The following STARD3NL variants were observed in gnomAD, a reference collection of about 807,000 sequenced individuals.
STARD3NL encodes the protein STARD3 N-terminal-like protein.
STARD3NL carries 17 observed loss-of-function variants against 30.9 expected under a neutral mutation model. The ratio of observed to expected loss-of-function variants is 0.55; its 90% CI spans 0.38 to 0.82. STARD3NL has a LOEUF of 0.82. STARD3NL is among the 40% of genes least tolerant of loss of function. The pLI, the probability that STARD3NL is intolerant of heterozygous loss-of-function variation, is 0.00. For missense variants in STARD3NL, 234 were observed against 277.6 expected, an observed-to-expected ratio of 0.84 and a Z score of 1.12; for synonymous variants, 112 against 100.5, an observed-to-expected ratio of 1.11 and a Z score of -0.69.
chr7:38,223,335 T>C lies in STARD3NL; in HGVS notation c.649+3675T>C, dbSNP rs1477373026. The stretch of plus-strand genomic sequence containing the variant: ...GCATCCTGCATCCCTTTGTATTAAA[T>C]GGAAAGAATTAGGAAGCATGATCCT... On this transcript the variant is annotated intron_variant, in intron 7 of 8. Transcript: ENST00000009041. Among the ~76,000 whole-genome samples, 4 of 152,150 alleles carry C rather than the reference T, an allele frequency of 2.6e-5. No homozygotes were observed. The South Asian group carries it at 8.3e-4, about 31-fold the overall frequency.
chr7:38,197,196 TTCTC>T (rs1280964019), intron 1 of STARD3NL, among the ~76,000 whole-genome samples: 2 of 33,906 alleles, frequency 5.9e-5, no homozygotes, highest in Non-Finnish European at 1.4e-4. Flanking sequence ...TTCTTTCTTT[TTCTC>T]TCTCTCTCTT....
At position 38,218,289 on chromosome 7, in the gene STARD3NL, A is replaced by G. The variant is rs551615662; in HGVS notation, c.553+984A>G. 6.6e-5 allele frequency among the ~76,000 whole-genome samples: 10 copies of G among 152,354 alleles called. No homozygotes were observed. The South Asian group carries it at 1.0e-3, about 16-fold the overall frequency. On this transcript the variant is annotated intron_variant, in intron 6 of 8. Transcript: ENST00000009041. ...ACTTCAAAAAACAGCAGGATGCAAA[A>G]TAATCTTGCAAGTGGTTTTATTTTG...
intron 1 of STARD3NL, 105 bp from the exon 2 acceptor site, chr7:38,207,342 T>C: frequency 6.6e-6 from 4 of 609,550 alleles, no homozygotes; most frequent in Non-Finnish European, 1.2e-5. Context: ...TCAGTCAAGG[T>C]ACTCTGTTGT....
intron 1 of STARD3NL, among the ~76,000 whole-genome samples, chr7:38,194,265 C>T (rs926055003): frequency 4.6e-5 from 7 of 151,902 alleles, no homozygotes; most frequent in Non-Finnish European, 5.9e-5. Context: ...TTACATTTGC[C>T]CTTTTAAAGG....
intron 7 of STARD3NL, among the ~76,000 whole-genome samples, chr7:38,220,595 A>T (rs558232074): frequency 7.9e-5 from 12 of 152,350 alleles, no homozygotes; most frequent in South Asian, 2.1e-4. Flanking sequence ...TCCGTAAAAG[A>T]TTAAACATAG....
At chr7:38,180,882 C>A (rs1276357171) in intron 1 of STARD3NL, among the ~76,000 whole-genome samples, 1 of 152,246 alleles carries the variant, frequency 6.6e-6, no homozygotes. Flanking sequence ...GGCCAAACTT[C>A]TATCAAATTT....
chr7:38,213,247 T>A (rs939399500), intron 2 of STARD3NL, among the ~76,000 whole-genome samples: 8 of 152,186 alleles, frequency 5.3e-5, no homozygotes, highest in Admixed American at 3.3e-4. Flanking sequence ...TCAATCATTA[T>A]TCCTCCTTCC....
At chr7:38,202,195 TA>T (rs1785214046) in intron 1 of STARD3NL, 1 of 152,236 alleles carries the variant, frequency 6.6e-6, no homozygotes, top group African/African-American at 2.4e-5. Flanking sequence ...AGACAGAAAT[TA>T]TGTAAGAATG....
At chr7:38,188,351 T>C (rs1351362800) in intron 1 of STARD3NL, among the ~76,000 whole-genome samples, 1 of 151,764 alleles carries the variant, frequency 6.6e-6, no homozygotes, top group Non-Finnish European at 1.5e-5. Context: ...CTATCTGCAG[T>C]ACCCTTCCTC....
intron 1 of STARD3NL, among the ~76,000 whole-genome samples, chr7:38,193,341 C>T (rs887235090): frequency 1.3e-5 from 2 of 152,056 alleles, no homozygotes; most frequent in South Asian, 4.1e-4. Context: ...CTCTGTCGCT[C>T]AGGCTGGAGT....
chr7:38,227,756 C>G (rs957283089), intron 7 of STARD3NL, among the ~76,000 whole-genome samples: 2 of 152,046 alleles, frequency 1.3e-5, no homozygotes, highest in Admixed American at 1.3e-4. Flanking sequence ...ACGTATCCTT[C>G]AAATTATTTG....
At position 38,207,618 on chromosome 7, in the gene STARD3NL, G is replaced by A; in HGVS notation, c.114G>A (p.Glu38=). 6.2e-7 allele frequency: 1 copy of A among 1,614,096 alleles called. No individual in the cohort carries two copies. The highest frequency in any genetic ancestry group is 8.5e-7 in the Non-Finnish European group (1 of 1,179,960). The change falls in exon 2 of 9, where the codon GAG becomes GAA. Residue 38 remains glutamate, a synonymous_variant. Transcript: ENST00000009041. The part of the protein sequence containing the change: ...INPTQLMARI[E]SYEGREKKGI... ...CCACACAACTCATGGCCAGGATTGA[G>A]TCCTATGAAGGAAGGGAAAAGAAAG...
intron 1 of STARD3NL, among the ~76,000 whole-genome samples, chr7:38,206,315 A>G (rs886413514): frequency 4.6e-5 from 7 of 152,212 alleles, no homozygotes; most frequent in Non-Finnish European, 7.4e-5. Context: ...CAAGTGGCAT[A>G]TGAACTTCTG....
intron 8 of STARD3NL, 44 bp from the exon 9 acceptor site, chr7:38,229,860 ACCGTGGCATTTTGCCTTTT>A (rs56141476): frequency 0.21 from 31,991 of 152,168 alleles, 3,427 homozygotes; most frequent in Non-Finnish European, 0.22. Flanking sequence ...ATGTAAGGTG[ACCGTGGCATTTTGCCTTTT>A]AATGCTATTT....
chr7:38,215,195 T>G, intron 4 of STARD3NL, 90 bp downstream of exon 4: 1 of 1,253,576 alleles, frequency 8.0e-7, no homozygotes, highest in Non-Finnish European at 1.1e-6. Flanking sequence ...GAAGATACAG[T>G]TCTAATGCAG....
intron 1 of STARD3NL, among the ~76,000 whole-genome samples, chr7:38,197,194 T>TTCTTTCTTTC (rs1554295457): frequency 1.4e-5 from 2 of 143,712 alleles, no homozygotes; most frequent in African/African-American, 2.6e-5. Context: ...CTTTCTTTCT[T>TTCTTTCTTTC]TTTCTCTCTC....
intron 6 of STARD3NL, among the ~76,000 whole-genome samples, chr7:38,218,362 A>G (rs2116367047): frequency 6.6e-6 from 1 of 152,388 alleles, no homozygotes; most frequent in East Asian, 1.9e-4. Context: ...GGATAATTCA[A>G]GAGTAGATTT....
At position 38,207,591 on chromosome 7, in the gene STARD3NL, C is replaced by A; in HGVS notation, c.87C>A (p.Asn29Lys). 1 of 1,614,070 alleles carries A rather than the reference C, an allele frequency of 6.2e-7. No homozygotes were observed. Among genetic ancestry groups the A allele is most frequent in the South Asian group, 1.1e-5 (1 of 91,086 alleles). The change falls in exon 2 of 9, where the codon AAC becomes AAA. Residue 29 changes from asparagine (N) to lysine (K), a missense_variant. By Grantham distance (94) the Asn-to-Lys change is moderately conservative. Coordinates refer to ENST00000009041, the MANE Select transcript of STARD3NL (RefSeq NM_032016.4). ...CTCTGCGCAATATCCATTCCATCAA[C>A]CCCACACAACTCATGGCCAGGATTG... Reference protein sequence around the residue: ...HASLRNIHSINPTQLMARIES... With the variant: ...HASLRNIHSIKPTQLMARIES...
chr7:38,203,755 A>T (rs571322243), intron 1 of STARD3NL, among the ~76,000 whole-genome samples: 3 of 152,220 alleles, frequency 2.0e-5, no homozygotes, highest in Non-Finnish European at 4.4e-5. Context: ...AGAGACACAC[A>T]TAGGCTCAAA....
Sources: gnomAD v4.1 joint callset for allele counts (sites outside exome capture counted in the v4.1 genomes callset) on GRCh38, gnomAD v4.1.1 for gene constraint, MANE v1.5 for transcripts, NCBI Gene and HGNC (gene_info 2026-07-23, HGNC 2026-07-21) for gene names.